The following CACNA1I variants were observed in gnomAD, a reference collection of about 807,000 sequenced individuals.
CACNA1I encodes the protein voltage-dependent T-type calcium channel subunit alpha-1I.
CACNA1I carries 74 observed loss-of-function variants against 201.6 expected under a neutral mutation model. The observed-to-expected ratio is 0.37, with a 90% CI of 0.30 to 0.45. CACNA1I has a LOEUF of 0.45. Ranked by LOEUF, CACNA1I falls within the 20% of genes least tolerant of loss-of-function variation. The pLI is 1.00. For synonymous variants in CACNA1I, 1,431 were observed against 1,345.2 expected (o/e 1.06, Z -1.40); for missense variants, 2,346 against 3,138.1 (o/e 0.75, Z 6.03).
chr22:39,633,540 G>A, intron 4 of CACNA1I, among the ~76,000 whole-genome samples: 1 of 152,216 alleles, frequency 6.6e-6, no homozygotes, highest in East Asian at 1.9e-4. Context: ...CTTTCACAGG[G>A]CTGCGGTGGC....
At chr22:39,597,067 G>T (rs1244495183) in intron 1 of CACNA1I, among the ~76,000 whole-genome samples, 3 of 152,176 alleles carry the variant, frequency 2.0e-5, no homozygotes, top group Non-Finnish European at 4.4e-5. Flanking sequence ...AAGTTCACCT[G>T]GGTGTCTGAC....
intron 4 of CACNA1I, among the ~76,000 whole-genome samples, chr22:39,621,257 G>T (rs530856933): frequency 1.3e-5 from 2 of 152,328 alleles, no homozygotes; most frequent in African/African-American, 4.8e-5. Context: ...CTGACCCCTT[G>T]CTTCTCTTCC....
intron 10 of CACNA1I, chr22:39,656,558 G>A (rs994630959): frequency 1.4e-4 from 70 of 513,894 alleles, no homozygotes; most frequent in African/African-American, 3.7e-4. Context: ...AGGCAGGGAC[G>A]GTGCCCTGAC....
intron 3 of CACNA1I, among the ~76,000 whole-genome samples, chr22:39,603,539 G>A (rs1277113515): frequency 6.6e-6 from 1 of 152,122 alleles, no homozygotes; most frequent in Non-Finnish European, 1.5e-5. Context: ...TTTTATGGAT[G>A]CCTGCTCTTG....
At chr22:39,589,752 C>A (rs887457064) in intron 1 of CACNA1I, among the ~76,000 whole-genome samples, 1 of 152,148 alleles carries the variant, frequency 6.6e-6, no homozygotes, top group African/African-American at 2.4e-5. Context: ...AGCTCCCCCT[C>A]CTTTGGGTTC....
intron 17 of CACNA1I, 123 bp downstream of exon 17, chr22:39,662,558 G>T (rs1040340918): frequency 1.0e-5 from 8 of 769,876 alleles, no homozygotes; most frequent in Non-Finnish European, 5.9e-6. Flanking sequence ...CGTGGCCGGA[G>T]CGGCTAGGGC....
At chr22:39,598,947 T>TTTG (rs1318270188) in intron 2 of CACNA1I, among the ~76,000 whole-genome samples, 1 of 126,298 alleles carries the variant, frequency 7.9e-6, no homozygotes, top group Non-Finnish European at 1.7e-5. Flanking sequence ...TTGGGTTTTT[T>TTTG]TTTTTTTTTT....
rs1177549034 is a variant in CACNA1I, at chr22:39,646,779, C to G, written c.1360C>G (p.Leu454Val). Reference sequence around the variant, plus strand: ...CCTGCGCAAGGCCAAGCGCCGCGCCCTGGGCCTCTACCAGGCCCTGCAGAG... The same window carrying G: ...CCTGCGCAAGGCCAAGCGCCGCGCCGTGGGCCTCTACCAGGCCCTGCAGAG... Reference protein sequence around the residue: ...HILRKAKRRALGLYQALQSRR... With the variant: ...HILRKAKRRAVGLYQALQSRR... Residue 454 changes from leucine (L) to valine (V), a missense_variant, in exon 8 of 37, where the codon CTG becomes GTG. Physicochemically the swap from Leu to Val is conservative, Grantham distance 32. This residue lies in a region of CACNA1I where 312 missense variants were observed against 331.5 expected (regional missense o/e 0.94). Coordinates refer to ENST00000402142, the MANE Select transcript of CACNA1I (RefSeq NM_021096.4). 1.3e-6 allele frequency: 2 copies of G among 1,576,902 alleles called. No individual in the cohort carries two copies. Among genetic ancestry groups the G allele is most frequent in the Non-Finnish European group, 1.7e-6 (2 of 1,161,868 alleles).
rs58159998 is a variant in CACNA1I, at chr22:39,613,841, C to CT, written c.483-5456dup. Among the ~76,000 whole-genome samples, 14 of 146,758 alleles carry CT rather than the reference C, an allele frequency of 9.5e-5. No homozygotes were observed. In the East Asian group the frequency reaches 1.4e-3, roughly 15 times the overall value. Reference sequence around the variant, plus strand: ...CCTGTCTGTGGGACATGGATCCCTTCTTTTTTTTTTTTTGAGACAGAGTTT... The same window carrying CT: ...CCTGTCTGTGGGACATGGATCCCTTCTTTTTTTTTTTTTTGAGACAGAGTTT... On this transcript the variant is annotated intron_variant, in intron 3 of 36. Coordinates refer to ENST00000402142, the MANE Select transcript of CACNA1I (RefSeq NM_021096.4).
At chr22:39,628,492 G>A (rs1042462783) in intron 4 of CACNA1I, among the ~76,000 whole-genome samples, 2 of 151,968 alleles carry the variant, frequency 1.3e-5, no homozygotes, top group African/African-American at 2.4e-5. Flanking sequence ...GGGTGTGAGC[G>A]CAGCCAGCTC....
Position 39,677,230 on chromosome 22 carries a change from G to C in CACNA1I, c.4855-111G>C. 1 of 691,646 alleles carries C rather than the reference G, an allele frequency of 1.4e-6. No individual in the cohort carries two copies. The highest frequency in any genetic ancestry group is 2.5e-6 in the Non-Finnish European group (1 of 396,984). 42.8% of individuals were successfully genotyped at this position (691,646 alleles called of 1,614,324 possible). On this transcript the variant is annotated intron_variant, in intron 29 of 36. Transcript: ENST00000402142. This position sits in a 1 kb window ranked among gnomAD's most constrained non-coding sequence, Gnocchi z 4.8. ...CACAGCCTGGGGGAATGTTACAGCT[G>C]CTCTGACCCACAGGCTGCCCAACCC...
At chr22:39,596,569 G>A (rs923911084) in intron 1 of CACNA1I, among the ~76,000 whole-genome samples, 1 of 151,692 alleles carries the variant, frequency 6.6e-6, no homozygotes, top group South Asian at 2.1e-4. Flanking sequence ...GGGAGATGGG[G>A]TGTCAGAGTG....
chr22:39,650,390 G>A (rs1161446171), intron 10 of CACNA1I, among the ~76,000 whole-genome samples: 2 of 152,146 alleles, frequency 1.3e-5, no homozygotes, highest in South Asian at 2.1e-4. Context: ...ACGATCAAGC[G>A]ATCCTCCCTC....
chr22:39,662,456 AGGG>A, intron 17 of CACNA1I, 21 bp downstream of exon 17: 1 of 1,399,098 alleles, frequency 7.1e-7, no homozygotes, highest in Non-Finnish European at 9.3e-7. Context: ...GCGGGGCCGA[AGGG>A]GACCTGGTGC....
At chr22:39,650,218 C>G (rs941549384) in intron 10 of CACNA1I, among the ~76,000 whole-genome samples, 2 of 151,862 alleles carry the variant, frequency 1.3e-5, no homozygotes, top group Admixed American at 6.6e-5. Context: ...AGCCTGGATA[C>G]CAAGGCAACC....
At chr22:39,601,343 G>A (rs1485644052) in intron 3 of CACNA1I, among the ~76,000 whole-genome samples, 1 of 152,256 alleles carries the variant, frequency 6.6e-6, no homozygotes, top group African/African-American at 2.4e-5. Flanking sequence ...CTACGCCAGT[G>A]GGCGTGCCTT....
chr22:39,667,842 G>A (rs918252572), intron 23 of CACNA1I, among the ~76,000 whole-genome samples: 3 of 152,142 alleles, frequency 2.0e-5, no homozygotes, highest in Non-Finnish European at 4.4e-5. Context: ...CTCCTCTCAC[G>A]AGCTCCTGTT....
intron 1 of CACNA1I, 89 bp downstream of exon 1, chr22:39,571,077 G>A (rs62228478): frequency 0.014 from 16,143 of 1,170,194 alleles, 153 homozygotes; most frequent in South Asian, 0.019. Context: ...ACCTTGCTCC[G>A]GCTGGGAGAC....
At chr22:39,655,161 A>T (rs732381) in intron 10 of CACNA1I, among the ~76,000 whole-genome samples, 45,847 of 151,912 alleles carry the variant, frequency 0.3, 8,998 homozygotes, top group East Asian at 0.97. Flanking sequence ...TTGAGAGGAG[A>T]TAATGCATGG....
Sources: gnomAD v4.1 joint callset for allele counts (sites outside exome capture counted in the v4.1 genomes callset) on GRCh38, gnomAD v4.1.1 for gene constraint, gnomAD v4.1.1 regional missense constraint, Gnocchi (gnomAD v3.1) non-coding constraint, MANE v1.5 for transcripts, NCBI Gene and HGNC (gene_info 2026-07-23, HGNC 2026-07-21) for gene names.